The following NIPBL variants were observed in gnomAD, a reference collection of about 807,000 sequenced individuals.
The protein encoded by NIPBL is nipped-B-like protein.
A neutral mutation model predicts 321.8 loss-of-function variants in NIPBL; 19 were observed. That is an observed-to-expected ratio of 0.06 (90% CI 0.04 to 0.09). The LOEUF (loss-of-function observed/expected upper bound fraction) is 0.09, where lower values mean the gene tolerates loss of function less well. Ranked by LOEUF, NIPBL falls within the 10% of genes least tolerant of loss-of-function variation. The probability of loss-of-function intolerance (pLI) is 1.00; values close to 1 mark genes in which losing one functional copy is unlikely to be tolerated. For missense variants in NIPBL, 2,210 were observed against 3,327.0 expected (o/e 0.66, Z 8.26); for synonymous variants, 1,106 against 1,114.1 (o/e 0.99, Z 0.14).
At chr5:37,014,008 C>G (rs1002439207) in intron 21 of NIPBL, among the ~76,000 whole-genome samples, 12 of 152,242 alleles carry the variant, frequency 7.9e-5, no homozygotes, top group Non-Finnish European at 1.5e-5. Context: ...GAGCTGGAGA[C>G]CAGCCCAGCC....
intron 22 of NIPBL, among the ~76,000 whole-genome samples, chr5:37,015,416 G>A (rs562959768): frequency 2.6e-5 from 4 of 152,032 alleles, no homozygotes; most frequent in Non-Finnish European, 5.9e-5. Context: ...GAGCCACTGC[G>A]CCCAGCCCAG....
chr5:36,962,067 G>C (rs998139636), intron 5 of NIPBL, 56 bp from the exon 6 acceptor site: 3 of 1,593,268 alleles, frequency 1.9e-6, no homozygotes, highest in African/African-American at 2.7e-5. Flanking sequence ...AGATTTCAAG[G>C]AATAGCGTGT....
chr5:37,062,252 C>T (rs1007841738), intron 45 of NIPBL, among the ~76,000 whole-genome samples: 4 of 152,238 alleles, frequency 2.6e-5, no homozygotes, highest in African/African-American at 9.6e-5. Context: ...CAGAAAAATA[C>T]ATGGCTTATA....
At chr5:36,897,901 A>G (rs551154820) in intron 1 of NIPBL, among the ~76,000 whole-genome samples, 2 of 151,998 alleles carry the variant, frequency 1.3e-5, no homozygotes, top group East Asian at 3.9e-4. Context: ...AAAAAAAAAA[A>G]AAAAGCAAGG....
At chr5:37,045,880 T>A (rs965884621) in intron 37 of NIPBL, among the ~76,000 whole-genome samples, 7 of 151,886 alleles carry the variant, frequency 4.6e-5, no homozygotes, top group Admixed American at 1.3e-4. Context: ...TTAAAAAAAA[T>A]TTTTTTCAAT....
At chr5:36,992,643 G>C (rs1045534951) in intron 10 of NIPBL, among the ~76,000 whole-genome samples, 1 of 151,868 alleles carries the variant, frequency 6.6e-6, no homozygotes, top group African/African-American at 2.4e-5. Flanking sequence ...GCCTCCAAAT[G>C]GCTGAGTTAT....
intron 1 of NIPBL, among the ~76,000 whole-genome samples, chr5:36,937,102 A>C (rs572954706): frequency 1.6e-3 from 250 of 152,286 alleles, no homozygotes; most frequent in African/African-American, 5.5e-3. Flanking sequence ...ATTTATCTAT[A>C]GTTAGTAGCA....
intron 32 of NIPBL, among the ~76,000 whole-genome samples, chr5:37,033,047 AT>A (rs1751251456): frequency 6.6e-6 from 1 of 152,216 alleles, no homozygotes; most frequent in African/African-American, 2.4e-5. Context: ...GTAGGTTAAC[AT>A]TAAAGTAGAA....
At position 36,985,983 on chromosome 5, in the gene NIPBL, C is replaced by A; in HGVS notation, c.2803C>A (p.Pro935Thr). 1 of 1,613,826 alleles carries A rather than the reference C, an allele frequency of 6.2e-7. No homozygotes were observed. The highest frequency in any genetic ancestry group is 1.1e-5 in the South Asian group (1 of 91,060). Residue 935 changes from proline to threonine, a missense_variant, in exon 10 of 47, where the codon CCT (proline) becomes ACT (threonine). By Grantham distance (38) the Pro-to-Thr change is conservative. Coordinates refer to ENST00000282516, the MANE Select transcript of NIPBL (RefSeq NM_133433.4). The stretch of plus-strand genomic sequence containing the variant: ...TAAAGTAGACACTAATAAAGCACAC[C>A]CTGACAATAAGGCAGAATTTCCAAG... The part of the protein sequence containing the change: ...KSKVDTNKAH[P>T]DNKAEFPSYL...
chr5:36,899,389 G>T (rs1277322539), intron 1 of NIPBL, among the ~76,000 whole-genome samples: 5 of 151,598 alleles, frequency 3.3e-5, no homozygotes, highest in Admixed American at 3.3e-4. Context: ...AATATGTATT[G>T]TATCTTTAAT....
intron 1 of NIPBL, among the ~76,000 whole-genome samples, chr5:36,952,068 GCGCGCA>G (rs1561070370): frequency 2.9e-5 from 4 of 140,092 alleles, no homozygotes; most frequent in South Asian, 2.2e-4. Context: ...GCGCGCGCGC[GCGCGCA>G]TGTGTGTGTG....
chr5:36,942,254 A>G (rs888757278), intron 1 of NIPBL, among the ~76,000 whole-genome samples: 3 of 149,418 alleles, frequency 2.0e-5, no homozygotes, highest in Non-Finnish European at 4.5e-5. Flanking sequence ...CCAACATGGT[A>G]AAGCCCGTCT....
intron 1 of NIPBL, among the ~76,000 whole-genome samples, chr5:36,950,729 C>T (rs771720669): frequency 3.9e-5 from 6 of 152,046 alleles, no homozygotes; most frequent in Non-Finnish European, 7.4e-5. Context: ...TTCAGTTTTA[C>T]GAAAAACAAT....
In NIPBL at chr5:36,926,914, C is replaced by T. The variant is rs557035797; in HGVS notation, c.-79-26704C>T. 9.0e-4 allele frequency among the ~76,000 whole-genome samples: 136 copies of T among 151,772 alleles called. 1 individual carries two copies. Among genetic ancestry groups the T allele is most frequent in the Non-Finnish European group, 1.5e-3 (99 of 67,916 alleles). ...CAAATGGTTTCATGTATTTTTTTAC[C>T]GGGAACAAATTTAAACAGTTATTAG... On this transcript the variant is annotated intron_variant, in intron 1 of 46. Transcript: ENST00000282516.
At chr5:36,989,839 CAAAAAAAAAAA>C (rs374278669) in intron 10 of NIPBL, among the ~76,000 whole-genome samples, 3 of 73,422 alleles carry the variant, frequency 4.1e-5, no homozygotes, top group South Asian at 9.9e-4. Context: ...ACTCTGTCTC[CAAAAAAAAAAA>C]AAAAAAAAAA....
intron 1 of NIPBL, among the ~76,000 whole-genome samples, chr5:36,898,430 G>A (rs754999259): frequency 5.3e-5 from 8 of 151,848 alleles, no homozygotes; most frequent in South Asian, 2.1e-4. Flanking sequence ...CAATTGAGGC[G>A]TAGGAAGTTA....
At chr5:37,020,403 C>A in intron 25 of NIPBL, 56 bp from the exon 26 acceptor site, 1 of 1,222,288 alleles carries the variant, frequency 8.2e-7, no homozygotes, top group Non-Finnish European at 1.2e-6. Context: ...ACTTTATTAA[C>A]TTGGAAATCT....
chr5:37,051,573 A>G, intron 40 of NIPBL: 1 of 590,074 alleles, frequency 1.7e-6, no homozygotes. Context: ...TCACGTCAGT[A>G]TTTTTGCTGG....
At chr5:36,879,180 A>G (rs1450544092) in intron 1 of NIPBL, among the ~76,000 whole-genome samples, 2 of 152,230 alleles carry the variant, frequency 1.3e-5, no homozygotes, top group Non-Finnish European at 2.9e-5. Context: ...TAAAGATAAT[A>G]GAGGAGTTGT....
Sources: gnomAD v4.1 joint callset for allele counts (sites outside exome capture counted in the v4.1 genomes callset) on GRCh38, gnomAD v4.1.1 for gene constraint, MANE v1.5 for transcripts, NCBI Gene and HGNC (gene_info 2026-07-23, HGNC 2026-07-21) for gene names.